Variants in CDC42BPB observed in about 807,000 individuals in gnomAD.
The protein encoded by CDC42BPB is serine/threonine-protein kinase MRCK beta.
CDC42BPB carries 37 observed loss-of-function variants against 214.9 expected under a neutral mutation model. The ratio of observed to expected loss-of-function variants is 0.17; its 90% CI spans 0.13 to 0.23. The LOEUF (loss-of-function observed/expected upper bound fraction) is 0.23. Ranked by LOEUF, CDC42BPB falls within the 10% of genes least tolerant of loss-of-function variation. The pLI is 1.00. For synonymous variants in CDC42BPB, 931 were observed against 884.0 expected (o/e 1.05, Z -0.94); for missense variants, 1,694 against 2,227.0 (o/e 0.76, Z 4.82).
At chr14:103,056,835 G>A (rs1378467103) in intron 1 of CDC42BPB, among the ~76,000 whole-genome samples, 164 bp downstream of exon 1, 3 of 151,808 alleles carry the variant, frequency 2.0e-5, no homozygotes, top group Non-Finnish European at 4.4e-5. Context: ...GATGGGCTGC[G>A]GGCCTGGGGG....
chr14:103,013,272 G>A (rs750015204), intron 1 of CDC42BPB, among the ~76,000 whole-genome samples: 2 of 152,226 alleles, frequency 1.3e-5, no homozygotes, highest in Non-Finnish European at 2.9e-5. Flanking sequence ...CAACACAAGT[G>A]CTGGAGTCTC....
At chr14:103,022,069 G>A (rs1886805187) in intron 1 of CDC42BPB, among the ~76,000 whole-genome samples, 1 of 152,146 alleles carries the variant, frequency 6.6e-6, no homozygotes, top group African/African-American at 2.4e-5. Flanking sequence ...GGTATCGGAT[G>A]AGATCACCAG....
At chr14:102,942,792 C>A (rs547042134) in intron 30 of CDC42BPB, among the ~76,000 whole-genome samples, 1 of 143,094 alleles carries the variant, frequency 7.0e-6, no homozygotes, top group Non-Finnish European at 1.5e-5. Context: ...ACAACCTCTG[C>A]GTCCCGGGTT....
chr14:102,951,040 T>C (rs1472723522), intron 24 of CDC42BPB, among the ~76,000 whole-genome samples: 1 of 151,566 alleles, frequency 6.6e-6, no homozygotes, highest in Non-Finnish European at 1.5e-5. Context: ...CCCAAAAAGG[T>C]AAGAACAGTT....
At chr14:102,941,015 G>T in intron 30 of CDC42BPB, 1 of 681,452 alleles carries the variant, frequency 1.5e-6, no homozygotes, top group Non-Finnish European at 1.8e-6. Flanking sequence ...TGAAACCAAG[G>T]ACTGCAAAGC....
In CDC42BPB at chr14:102,952,570, A is replaced by C. The variant is rs1892538665; in HGVS notation, c.3100T>G (p.Ser1034Ala). ...KAHQFSIKSF[S>A]SPTQCSHCTS... ...CAGTGGCTGCACTGAGTAGGGCTGG[A>C]GAAGGACTTGATGCTGAACTGGTGA... Residue 1034 changes from serine (S) to alanine (A), a missense_variant, in exon 24 of 37, where the codon TCC becomes GCC. Ser to Ala is a moderately conservative substitution (Grantham distance 99). Around this residue, in one of 7 missense-constraint regions of CDC42BPB, gnomAD observed 567 missense variants for 790.3 expected, o/e 0.72. Transcript: ENST00000361246. 6.2e-7 allele frequency: 1 copy of C among 1,614,018 alleles called. No individual in the cohort carries two copies. The highest frequency in any genetic ancestry group is 1.3e-5 in the African/African-American group (1 of 75,040).
At chr14:102,995,165 TTCTC>T (rs202035836) in intron 5 of CDC42BPB, among the ~76,000 whole-genome samples, 11 of 151,070 alleles carry the variant, frequency 7.3e-5, no homozygotes, top group East Asian at 1.9e-4. Context: ...GGATGTGATG[TTCTC>T]TCTCTCTCTC....
chr14:102,958,861 T>G (rs1269999965), intron 21 of CDC42BPB, among the ~76,000 whole-genome samples: 1 of 151,682 alleles, frequency 6.6e-6, no homozygotes, highest in Non-Finnish European at 1.5e-5. Context: ...TTTTAAGAGA[T>G]AGGGTCTCGC....
Position 102,972,057 on chromosome 14 carries a change from C to T in CDC42BPB, c.1746G>A (p.Glu582=), listed in dbSNP as rs1213056105. ...LALQEFSELN[E]RMAELRAQKQ... ...TCTGGGCACGGAGCTCTGCCATGCG[C>T]TCGTTCAGCTCCGAGAACTCCTGCA... Residue 582 remains glutamate, a synonymous_variant, in exon 13 of 37, where the codon GAG becomes GAA. Transcript: ENST00000361246. The T allele has an allele frequency of 1.2e-6, 2 of 1,614,280 alleles. No homozygotes were observed. The highest frequency in any genetic ancestry group is 1.7e-6 in the Non-Finnish European group (2 of 1,180,054).
At chr14:102,975,342 G>A (rs537546223) in intron 11 of CDC42BPB, among the ~76,000 whole-genome samples, 4 of 152,284 alleles carry the variant, frequency 2.6e-5, no homozygotes, top group African/African-American at 9.6e-5. Flanking sequence ...TGGCCAACAT[G>A]GTGAAACCCT....
rs976750265 is a variant in CDC42BPB, at chr14:102,944,549, C to A, written c.3812-62G>T. On this transcript the variant is annotated intron_variant, in intron 29 of 36. Coordinates refer to ENST00000361246, the MANE Select transcript of CDC42BPB (RefSeq NM_006035.4). This position sits in a 1 kb window ranked among gnomAD's most constrained non-coding sequence, Gnocchi z 6.6. ...ACAGCCAGCAGCTCCCAGGGGCTGA[C>A]GGCCTTGGCTAAAGACTTGCCTGGA... 6.4e-7 allele frequency: 1 copy of A among 1,557,790 alleles called. No homozygotes were observed.
chr14:102,978,353 G>A, intron 8 of CDC42BPB, 148 bp from the exon 9 acceptor site: 1 of 1,479,486 alleles, frequency 6.8e-7, no homozygotes, highest in Non-Finnish European at 9.0e-7. Flanking sequence ...CCTCTGCAGG[G>A]GAGATGAGTA....
Position 103,008,525 on chromosome 14 carries a change from G to C in CDC42BPB, c.298C>G (p.Arg100Gly). The C allele has an allele frequency of 6.2e-7, 1 of 1,612,196 alleles. No individual in the cohort carries two copies. Among genetic ancestry groups the C allele is most frequent in the Non-Finnish European group, 8.5e-7 (1 of 1,178,224 alleles). Reference sequence around the variant, plus strand: ...TTGAGGATTTTCATTGCATAAATTCGTTCAGTATTCTTCATTTTGACAACA... The same window carrying C: ...TTGAGGATTTTCATTGCATAAATTCCTTCAGTATTCTTCATTTTGACAACA... Reference protein sequence around the residue: ...VAVVKMKNTERIYAMKILNKW... With the variant: ...VAVVKMKNTEGIYAMKILNKW... Residue 100 changes from arginine (R) to glycine (G), a missense_variant, in exon 3 of 37, where the codon CGA becomes GGA. By Grantham distance (125) the Arg-to-Gly change is moderately radical. Transcript: ENST00000361246.
intron 28 of CDC42BPB, 134 bp downstream of exon 28, chr14:102,946,334 T>C: frequency 5.0e-6 from 5 of 996,350 alleles, no homozygotes; most frequent in Non-Finnish European, 5.9e-6. Context: ...CGTCTGCTTC[T>C]TAACATGCAT....
intron 13 of CDC42BPB, 96 bp downstream of exon 13, chr14:102,971,823 C>T: frequency 7.7e-7 from 1 of 1,303,078 alleles, no homozygotes; most frequent in Non-Finnish European, 1.1e-6. Context: ...ATTTCTGACC[C>T]CTTTTACAGT....
chr14:103,017,441 C>T (rs1886529593), intron 1 of CDC42BPB, among the ~76,000 whole-genome samples: 1 of 151,896 alleles, frequency 6.6e-6, no homozygotes, highest in Non-Finnish European at 1.5e-5. Context: ...AACAAAATAC[C>T]TATCAATTAC....
At position 102,983,635 on chromosome 14, in the gene CDC42BPB, A is replaced by T; in HGVS notation, c.812T>A (p.Met271Lys). ...ECDWWSLGVC[M>K]YEMLYGETPF... ...CGTTTCTCCATAGAGCATCTCATAC[A>T]TGCAGACACCCAGAGACCACCAGTC... The change falls in exon 7 of 37, where the codon ATG becomes AAG. Residue 271 changes from methionine to lysine, a missense_variant. This residue lies in a region of CDC42BPB where 225 missense variants were observed against 459.3 expected (regional missense o/e 0.49). Transcript: ENST00000361246. 6.2e-7 allele frequency: 1 copy of T among 1,613,746 alleles called. No individual in the cohort carries two copies. The highest frequency in any genetic ancestry group is 8.5e-7 in the Non-Finnish European group (1 of 1,180,026).
intron 21 of CDC42BPB, among the ~76,000 whole-genome samples, chr14:102,958,247 C>T (rs1892797267): frequency 1.3e-5 from 2 of 152,144 alleles, no homozygotes; most frequent in Admixed American, 6.5e-5. Context: ...TGAGAGAATG[C>T]CCCAATCGTA....
intron 5 of CDC42BPB, among the ~76,000 whole-genome samples, chr14:102,988,801 T>G (rs1894361464): frequency 6.8e-6 from 1 of 146,656 alleles, no homozygotes; most frequent in Non-Finnish European, 1.5e-5. Context: ...AAGATCCACA[T>G]GGAACAGATG....
Sources: allele counts gnomAD v4.1 joint callset (sites outside exome capture counted in the v4.1 genomes callset), GRCh38; gene constraint gnomAD v4.1.1; regional missense constraint gnomAD v4.1.1; non-coding constraint Gnocchi (gnomAD v3.1); transcripts MANE v1.5; gene names NCBI Gene and HGNC (gene_info 2026-07-23, HGNC 2026-07-21).